Variants in AFAP1 observed in about 807,000 individuals in gnomAD.
AFAP1 encodes the protein actin filament associated protein 1.
A neutral mutation model predicts 93.9 loss-of-function variants in AFAP1; 75 were observed. The ratio of observed to expected loss-of-function variants is 0.80; its 90% CI spans 0.66 to 0.97. AFAP1 has a LOEUF of 0.97. Among genes scored for constraint, AFAP1 ranks in the 50% least tolerant of loss-of-function variants. AFAP1 has a pLI of 0.00. For missense variants in AFAP1, 1,201 were observed against 1,050.8 expected (o/e 1.14, Z -1.98); for synonymous variants, 517 against 430.7 (o/e 1.20, Z -2.48).
chr4:7,766,825 A>T (rs1714662303), intron 17 of AFAP1, among the ~76,000 whole-genome samples: 1 of 152,090 alleles, frequency 6.6e-6, no homozygotes, highest in Non-Finnish European at 1.5e-5. Context: ...GTGGGTGGTT[A>T]TGAGCCAGGA....
At chr4:7,858,581 G>T (rs1440054186) in intron 3 of AFAP1, among the ~76,000 whole-genome samples, 1 of 152,100 alleles carries the variant, frequency 6.6e-6, no homozygotes, top group Non-Finnish European at 1.5e-5. Flanking sequence ...ACAATTAATG[G>T]AATTGTAAAA....
intron 1 of AFAP1, among the ~76,000 whole-genome samples, chr4:7,938,247 GCGGT>G (rs1721509593): frequency 1.3e-5 from 2 of 152,124 alleles, no homozygotes; most frequent in African/African-American, 4.8e-5. Context: ...AGCCACAGCT[GCGGT>G]AATTAGCTCA....
intron 9 of AFAP1, among the ~76,000 whole-genome samples, chr4:7,801,639 T>C (rs985030695): frequency 6.6e-6 from 1 of 152,072 alleles, no homozygotes; most frequent in African/African-American, 2.4e-5. Flanking sequence ...ATGTTGATAG[T>C]GGCAGAAAAG....
At chr4:7,850,882 C>A (rs1296809241) in intron 4 of AFAP1, among the ~76,000 whole-genome samples, 1 of 152,246 alleles carries the variant, frequency 6.6e-6, no homozygotes, top group East Asian at 1.9e-4. Context: ...TTACCCTTGA[C>A]CTCCTGCGCT....
chr4:7,845,304 C>T (rs556924899), intron 4 of AFAP1, among the ~76,000 whole-genome samples: 13 of 152,026 alleles, frequency 8.6e-5, no homozygotes, highest in Non-Finnish European at 1.9e-4. Context: ...CGCCTGTGGT[C>T]CCAACTACTC....
intron 5 of AFAP1, among the ~76,000 whole-genome samples, chr4:7,841,866 AG>A (rs1489554319): frequency 1.6e-5 from 2 of 128,678 alleles, no homozygotes; most frequent in African/African-American, 3.0e-5. Context: ...AAAGCAGGGG[AG>A]GGGGGAAGAA....
chr4:7,926,455 A>G (rs1320070), intron 1 of AFAP1, among the ~76,000 whole-genome samples: 83,298 of 151,588 alleles, frequency 0.55, 25,221 homozygotes, highest in East Asian at 0.83. Flanking sequence ...TTATGAGAAT[A>G]CTGTTTGTAT....
Position 7,759,449 on chromosome 4 carries a change from G to C in AFAP1, c.*4316C>G, listed in dbSNP as rs1713464075. The C allele has an allele frequency of 6.6e-6, 1 of 152,654 alleles. No individual in the cohort carries two copies. The highest frequency in any genetic ancestry group is 1.5e-5 in the Non-Finnish European group (1 of 68,048). 9.5% of individuals were successfully genotyped at this position (152,654 alleles called of 1,614,324 possible). On this transcript the variant is annotated 3_prime_UTR_variant, in exon 18 of 18. Transcript: ENST00000420658. ...GGCTTGGGGACTCACGAATAGAGGT[G>C]ACTGCTTTTTCTGCAGTGCTGTGCC...
intron 6 of AFAP1, among the ~76,000 whole-genome samples, chr4:7,831,162 T>A (rs1181772903): frequency 6.6e-6 from 1 of 152,152 alleles, no homozygotes; most frequent in Non-Finnish European, 1.5e-5. Context: ...GAAACTACAC[T>A]AGCCCATCTC....
At chr4:7,827,569 C>CA (rs58075483) in intron 6 of AFAP1, among the ~76,000 whole-genome samples, 8,873 of 52,114 alleles carry the variant, frequency 0.17, 922 homozygotes, top group East Asian at 0.27. Context: ...ACTCTGTCTC[C>CA]AAAAAAAAAA....
intron 1 of AFAP1, among the ~76,000 whole-genome samples, chr4:7,938,372 C>G (rs544938617): frequency 6.6e-6 from 1 of 152,316 alleles, no homozygotes; most frequent in Admixed American, 6.5e-5. Flanking sequence ...GGATCTTTAA[C>G]TCTCCTAAAA....
chr4:7,793,813 T>C lies in AFAP1; in HGVS notation c.1280A>G (p.Glu427Gly). Residue 427 changes from glutamate (E) to glycine (G), a missense_variant, in exon 11 of 18, where the codon GAA becomes GGA. Coordinates refer to ENST00000420658, the MANE Select transcript of AFAP1 (RefSeq NM_001134647.2). ...AATCCCAATCCACCTGCCCATGTCTTCAGAAGAAGATGCCTGTTGAAGTGG... is the reference window on the plus strand; with the variant it reads ...AATCCCAATCCACCTGCCCATGTCTCCAGAAGAAGATGCCTGTTGAAGTGG... Reference protein sequence around the residue: ...EVAVLEASSSEDMGRWIGILL... With the variant: ...EVAVLEASSSGDMGRWIGILL... The C allele has an allele frequency of 6.5e-7, 1 of 1,544,666 alleles. No individual in the cohort carries two copies. The highest frequency in any genetic ancestry group is 8.9e-7 in the Non-Finnish European group (1 of 1,129,866).
At position 7,761,407 on chromosome 4, in the gene AFAP1, G is replaced by C. The variant is rs1713776533; in HGVS notation, c.*2358C>G. 6.6e-6 allele frequency: 1 copy of C among 152,250 alleles called. No individual in the cohort carries two copies. The highest frequency in any genetic ancestry group is 1.5e-5 in the Non-Finnish European group (1 of 68,058). The allele number at this position is 152,250 out of a possible 1,614,324, so 9.4% of individuals were successfully genotyped here. ...TTTTACAACAAAATATGCATGCTGG[G>C]AGTCGAGCACCAATCAGCTGTGCCG... is the stretch of plus-strand genomic sequence containing the variant. On this transcript the variant is annotated 3_prime_UTR_variant, in exon 18 of 18. Coordinates refer to ENST00000420658, the MANE Select transcript of AFAP1 (RefSeq NM_001134647.2).
At chr4:7,898,807 A>AAG (rs1718940021) in intron 1 of AFAP1, among the ~76,000 whole-genome samples, 3 of 54,848 alleles carry the variant, frequency 5.5e-5, no homozygotes, top group African/African-American at 2.3e-4. Flanking sequence ...TGGGCAGTAG[A>AAG]AGTGTGTGTG....
At chr4:7,770,710 C>A (rs1715310859) in intron 16 of AFAP1, among the ~76,000 whole-genome samples, 1 of 152,162 alleles carries the variant, frequency 6.6e-6, no homozygotes, top group South Asian at 2.1e-4. Flanking sequence ...GAGATCGAGG[C>A]ACTGACCAGA....
intron 1 of AFAP1, among the ~76,000 whole-genome samples, chr4:7,921,431 T>G (rs1720436088): frequency 6.6e-6 from 1 of 151,992 alleles, no homozygotes; most frequent in Non-Finnish European, 1.5e-5. Flanking sequence ...GTGATCCGCC[T>G]GTCTCCGCCT....
At chr4:7,915,874 G>C (rs1333476846) in intron 1 of AFAP1, among the ~76,000 whole-genome samples, 1 of 152,194 alleles carries the variant, frequency 6.6e-6, no homozygotes, top group Non-Finnish European at 1.5e-5. Flanking sequence ...AAGGAATAGC[G>C]GATAAAGGAA....
At chr4:7,793,111 G>A (rs1255892506) in intron 11 of AFAP1, among the ~76,000 whole-genome samples, 1 of 152,080 alleles carries the variant, frequency 6.6e-6, no homozygotes, top group East Asian at 1.9e-4. Context: ...CCATCATTAT[G>A]TTAAAGAAAT....
At chr4:7,768,591 G>T (rs1400121878) in intron 17 of AFAP1, among the ~76,000 whole-genome samples, 3 of 152,120 alleles carry the variant, frequency 2.0e-5, no homozygotes, top group African/African-American at 7.2e-5. Flanking sequence ...GATGACTCTG[G>T]AGCCAATTGT....
Sources: gnomAD v4.1 joint callset for allele counts (sites outside exome capture counted in the v4.1 genomes callset) on GRCh38, gnomAD v4.1.1 for gene constraint, MANE v1.5 for transcripts, NCBI Gene and HGNC (gene_info 2026-07-23, HGNC 2026-07-21) for gene names.